SCN7A: variants seen among roughly 807,000 people sequenced by gnomAD.
SCN7A encodes sodium channel protein type 7 subunit alpha.
Under a neutral mutation model 155.2 loss-of-function variants are expected in SCN7A, and 138 were observed. The ratio of observed to expected loss-of-function variants is 0.89; its 90% CI spans 0.77 to 1.02. The LOEUF (loss-of-function observed/expected upper bound fraction) is 1.02. SCN7A is among the 50% of genes least tolerant of loss of function. SCN7A has a pLI of 0.00. For missense variants in SCN7A, 2,058 were observed against 1,986.6 expected, an observed-to-expected ratio of 1.04 and a Z score of -0.68; for synonymous variants, 693 against 649.0, an observed-to-expected ratio of 1.07 and a Z score of -1.03.
At chr2:166,464,023 T>A (rs1160046781) in intron 9 of SCN7A, among the ~76,000 whole-genome samples, 1 of 151,822 alleles carries the variant, frequency 6.6e-6, no homozygotes, top group East Asian at 2.0e-4. Flanking sequence ...GCCACAGCAC[T>A]GCAGCCTGGG....
intron 11 of SCN7A, among the ~76,000 whole-genome samples, chr2:166,456,375 A>T (rs1702274525): frequency 6.6e-6 from 1 of 152,158 alleles, no homozygotes; most frequent in African/African-American, 2.4e-5. Context: ...TAATAAAAAG[A>T]TGCTCTAATA....
chr2:166,423,439 GTAAAAA>G lies in SCN7A; in HGVS notation c.2854-13_2854-8del. The G allele has an allele frequency of 6.6e-7, 1 of 1,517,192 alleles. No homozygotes were observed. Among genetic ancestry groups the G allele is most frequent in the Non-Finnish European group, 8.8e-7 (1 of 1,139,578 alleles). The allele number at this position is 1,517,192 out of a possible 1,614,324, so 94.0% of individuals were successfully genotyped here. On this transcript the variant is annotated splice_region_variant and splice_polypyrimidine_tract_variant and intron_variant, in intron 18 of 25. Transcript: ENST00000643258. ...TATATATATCTTCAAAAGCCTGTGG[GTAAAAA>G]TAAAAAAATAAGGATTAGGTGTACA...
chr2:166,449,584 ACT>A (rs1227064317), intron 11 of SCN7A, among the ~76,000 whole-genome samples: 1 of 152,022 alleles, frequency 6.6e-6, no homozygotes, highest in Non-Finnish European at 1.5e-5. Context: ...CCAGCGACAG[ACT>A]CTGCAGGTCT....
chr2:166,487,545 T>C (rs1214515577), intron 1 of SCN7A, among the ~76,000 whole-genome samples: 4 of 152,186 alleles, frequency 2.6e-5, no homozygotes, highest in South Asian at 2.1e-4. Context: ...AGCCTCTTCA[T>C]TTCCATTTAT....
At chr2:166,414,929 T>TATAGGATAA (rs1197652391) in intron 21 of SCN7A, among the ~76,000 whole-genome samples, 1 of 117,466 alleles carries the variant, frequency 8.5e-6, no homozygotes, top group African/African-American at 3.4e-5. Flanking sequence ...ATATATATTA[T>TATAGGATAA]TATATAGGAT....
intron 2 of SCN7A, among the ~76,000 whole-genome samples, chr2:166,478,112 G>T (rs567132977): frequency 1.3e-5 from 2 of 151,660 alleles, no homozygotes; most frequent in East Asian, 3.9e-4. Context: ...CATTGGCCCT[G>T]CACCCTACTC....
chr2:166,416,306 T>C (rs1025724728), intron 21 of SCN7A, among the ~76,000 whole-genome samples: 1 of 152,168 alleles, frequency 6.6e-6, no homozygotes, highest in Admixed American at 6.5e-5. Flanking sequence ...TGATCTTTGT[T>C]CTGCTTTTTG....
chr2:166,408,403 C>G (rs1701122451), intron 25 of SCN7A, among the ~76,000 whole-genome samples: 1 of 151,952 alleles, frequency 6.6e-6, no homozygotes, highest in Non-Finnish European at 1.5e-5. Context: ...CACTCTCTTC[C>G]ATCATTTTAC....
At chr2:166,486,748 C>T (rs144154802) in intron 2 of SCN7A, 108 bp downstream of exon 2, 21 of 152,336 alleles carry the variant, frequency 1.4e-4, no homozygotes, top group African/African-American at 5.1e-4. Flanking sequence ...ACCCAACCAA[C>T]TTTATAAAGC....
chr2:166,448,837 T>C (rs952354754), intron 11 of SCN7A, among the ~76,000 whole-genome samples: 5 of 152,160 alleles, frequency 3.3e-5, no homozygotes, highest in Admixed American at 3.3e-4. Context: ...CTTAAACTTT[T>C]TTAGGATAAT....
chr2:166,486,255 A>C (rs1228900731), intron 2 of SCN7A, among the ~76,000 whole-genome samples: 2 of 152,126 alleles, frequency 1.3e-5, no homozygotes, highest in African/African-American at 4.8e-5. Flanking sequence ...TCAGCAGTGG[A>C]ACTAAGCTCA....
intron 24 of SCN7A, 111 bp from the exon 25 acceptor site, chr2:166,410,046 A>T: frequency 1.6e-6 from 2 of 1,260,120 alleles, no homozygotes; most frequent in Non-Finnish European, 2.1e-6. Flanking sequence ...AATAAGTGTG[A>T]ACCTAAATTT....
Position 166,409,830 on chromosome 2 carries a change from C to A in SCN7A, c.3817G>T (p.Asp1273Tyr), listed in dbSNP as rs868233951. ...FQAIAMMIDT[D>Y]VQSLQMSIAL... ...ATGGACATTTGTAGACTCTGAACAT[C>A]AGTGTCTATCATCATGGCTATTGCT... is the stretch of plus-strand genomic sequence containing the variant. Residue 1273 changes from aspartate (D) to tyrosine (Y), a missense_variant, in exon 25 of 26, where the codon GAT becomes TAT. Asp to Tyr is a radical substitution (Grantham distance 160). Transcript: ENST00000643258. 1 of 1,572,322 alleles carries A rather than the reference C, an allele frequency of 6.4e-7. No individual in the cohort carries two copies.
Position 166,421,223 on chromosome 2 carries a change from G to A in SCN7A, c.3102C>T (p.Pro1034=). The stretch of plus-strand genomic sequence containing the variant: ...TTTCAAATTGAGATAGAACTCTGAG[G>A]GGCCGAAGGAATTTCATGGAAATAA... ...KPLISMKFLR[P]LRVLSQFERM... The change falls in exon 20 of 26, where the codon CCC becomes CCT. Residue 1034 remains proline (P), a synonymous_variant. Transcript: ENST00000643258. 1 of 1,534,978 alleles carries A rather than the reference G, an allele frequency of 6.5e-7. No homozygotes were observed. Among genetic ancestry groups the A allele is most frequent in the Non-Finnish European group, 8.8e-7 (1 of 1,141,262 alleles).
intron 13 of SCN7A, among the ~76,000 whole-genome samples, chr2:166,444,498 T>G (rs889567829): frequency 5.3e-5 from 8 of 152,226 alleles, no homozygotes; most frequent in African/African-American, 1.9e-4. Flanking sequence ...TTCCATGTAA[T>G]GTAACTGCCA....
chr2:166,488,234 C>T (rs74685235), intron 1 of SCN7A, among the ~76,000 whole-genome samples: 1 of 152,184 alleles, frequency 6.6e-6, no homozygotes, highest in Non-Finnish European at 1.5e-5. Context: ...TTCTCACATT[C>T]CATAATGACT....
intron 3 of SCN7A, among the ~76,000 whole-genome samples, chr2:166,476,437 A>G (rs750065857): frequency 6.6e-6 from 1 of 151,962 alleles, no homozygotes; most frequent in Non-Finnish European, 1.5e-5. Context: ...TAGTTATTTC[A>G]TTTTGTCAGT....
intron 1 of SCN7A, among the ~76,000 whole-genome samples, chr2:166,488,629 TTTC>T (rs1181569101): frequency 2.9e-5 from 4 of 138,834 alleles, no homozygotes; most frequent in African/African-American, 1.1e-4. Context: ...TTGTCAACAG[TTTC>T]TTTTTTTTTT....
chr2:166,473,155 G>A (rs1489569509), intron 5 of SCN7A, among the ~76,000 whole-genome samples: 1 of 151,464 alleles, frequency 6.6e-6, no homozygotes, highest in African/African-American at 2.4e-5. Flanking sequence ...ACCTGCACTT[G>A]TGCCTCTGAA....
Sources: gnomAD v4.1 joint callset for allele counts (sites outside exome capture counted in the v4.1 genomes callset) on GRCh38, gnomAD v4.1.1 for gene constraint, MANE v1.5 for transcripts, NCBI Gene and HGNC (gene_info 2026-07-23, HGNC 2026-07-21) for gene names.